NREP: variants seen among roughly 807,000 people sequenced by gnomAD.
NREP encodes the protein neuronal regeneration related protein.
In NREP, 5 loss-of-function variants were observed where a neutral mutation model predicts 8.6. That is an observed-to-expected ratio of 0.58 (90% CI 0.30 to 1.22). NREP has a LOEUF of 1.22. Among genes scored for constraint, NREP ranks in the 50% most tolerant of loss-of-function variants. The pLI is 0.07. For synonymous variants in NREP, 27 were observed against 28.0 expected, an observed-to-expected ratio of 0.96 and a Z score of 0.11; for missense variants, 86 against 82.5, an observed-to-expected ratio of 1.04 and a Z score of -0.17.
At chr5:111,828,817 G>A (rs563390494) in intron 2 of NREP, among the ~76,000 whole-genome samples, 7 of 152,260 alleles carry the variant, frequency 4.6e-5, no homozygotes, top group Admixed American at 2.0e-4. Flanking sequence ...ACTACTGTAT[G>A]CCAAGGTTTG....
chr5:111,791,461 C>T (rs912357492), intron 2 of NREP, among the ~76,000 whole-genome samples: 1 of 151,998 alleles, frequency 6.6e-6, no homozygotes, highest in Non-Finnish European at 1.5e-5. Context: ...AGAAACATGA[C>T]CTCATTTTGA....
At chr5:111,949,909 T>C (rs1756105017) in intron 2 of NREP, among the ~76,000 whole-genome samples, 1 of 152,122 alleles carries the variant, frequency 6.6e-6, no homozygotes. Context: ...CGTGTCTTTA[T>C]GGTAGAATGA....
intron 2 of NREP, among the ~76,000 whole-genome samples, chr5:111,865,939 A>G (rs1321150075): frequency 1.3e-5 from 2 of 152,194 alleles, no homozygotes; most frequent in African/African-American, 2.4e-5. Flanking sequence ...CTGTTCAACA[A>G]TGCATAAAAA....
At position 111,730,936 on chromosome 5, in the gene NREP, G is replaced by A; in HGVS notation, c.192C>T (p.Tyr64=). Reference sequence around the variant, plus strand: ...GGTGTTACGATTAAAAAAAGTGGAGGTAACTGATTCTTGGGGAGCGGAGTT... The same window carrying A: ...GGTGTTACGATTAAAAAAAGTGGAGATAACTGATTCTTGGGGAGCGGAGTT... ...SSELRSPRIS[Y]LHFF is the part of the protein sequence containing the mutation. The change falls in exon 4 of 4, where the codon TAC becomes TAT. Residue 64 remains tyrosine, a synonymous_variant. Transcript: ENST00000257435. 6.2e-7 allele frequency: 1 copy of A among 1,613,808 alleles called. No individual in the cohort carries two copies. The highest frequency in any genetic ancestry group is 1.1e-5 in the South Asian group (1 of 91,066).
At chr5:111,878,402 G>A (rs982364810) in intron 2 of NREP, among the ~76,000 whole-genome samples, 13 of 152,070 alleles carry the variant, frequency 8.5e-5, no homozygotes, top group Non-Finnish European at 1.9e-4. Flanking sequence ...GGTGAAGGAG[G>A]AATGGTCAGG....
intron 2 of NREP, among the ~76,000 whole-genome samples, chr5:111,806,978 G>A (rs1452349930): frequency 6.6e-6 from 1 of 152,002 alleles, no homozygotes; most frequent in Non-Finnish European, 1.5e-5. Flanking sequence ...ACTTGATGTG[G>A]CTCTTGGCTA....
intron 2 of NREP, among the ~76,000 whole-genome samples, chr5:111,946,339 T>A (rs1755982667): frequency 6.6e-6 from 1 of 151,986 alleles, no homozygotes; most frequent in Non-Finnish European, 1.5e-5. Flanking sequence ...ATGGCAAATG[T>A]TTGAAGTGTG....
chr5:111,835,938 T>C (rs1019155828), intron 2 of NREP, among the ~76,000 whole-genome samples: 6 of 152,052 alleles, frequency 3.9e-5, no homozygotes, highest in African/African-American at 1.4e-4. Context: ...AGAAAATGGA[T>C]GCAGATGTAA....
intron 2 of NREP, among the ~76,000 whole-genome samples, chr5:111,857,803 G>A (rs1477238194): frequency 1.3e-5 from 2 of 152,124 alleles, no homozygotes; most frequent in African/African-American, 2.4e-5. Context: ...ATAAATGGAT[G>A]CATATGCTGT....
At chr5:111,848,624 T>C (rs1753235583) in intron 2 of NREP, among the ~76,000 whole-genome samples, 1 of 152,104 alleles carries the variant, frequency 6.6e-6, no homozygotes, top group South Asian at 2.1e-4. Context: ...TGTGGATGCT[T>C]CCTTTACGAT....
intron 2 of NREP, among the ~76,000 whole-genome samples, chr5:111,962,562 A>C: frequency 6.6e-6 from 1 of 152,208 alleles, no homozygotes; most frequent in East Asian, 1.9e-4. Context: ...GCAGGTCCCC[A>C]GCAAAACCAT....
intron 2 of NREP, among the ~76,000 whole-genome samples, chr5:111,766,700 G>C (rs902992941): frequency 4.6e-5 from 7 of 152,226 alleles, no homozygotes; most frequent in Admixed American, 4.6e-4. Context: ...GAGTTCTGTT[G>C]CTTCCTCCCT....
At chr5:111,920,657 G>C (rs1225258349) in intron 2 of NREP, among the ~76,000 whole-genome samples, 1 of 151,964 alleles carries the variant, frequency 6.6e-6, no homozygotes, top group Non-Finnish European at 1.5e-5. Context: ...GGTGTGGAGG[G>C]GTGCTTCATT....
At chr5:111,807,313 GGTTATTCCATCA>G (rs1350986081) in intron 2 of NREP, among the ~76,000 whole-genome samples, 1 of 151,926 alleles carries the variant, frequency 6.6e-6, no homozygotes, top group Non-Finnish European at 1.5e-5. Context: ...AGTCCCATCA[GGTTATTCCATCA>G]CTGGAGAATA....
intron 2 of NREP, among the ~76,000 whole-genome samples, chr5:111,848,246 T>A (rs1386459265): frequency 1.3e-5 from 2 of 152,228 alleles, no homozygotes; most frequent in Non-Finnish European, 2.9e-5. Context: ...TTCTTTCACA[T>A]CAACTATTTT....
Position 111,898,111 on chromosome 5 carries a change from CAGATGGAA to C in NREP, c.135+77155_135+77162del, listed in dbSNP as rs200812981. Among the ~76,000 whole-genome samples, 128 of 152,138 alleles carry C rather than the reference CAGATGGAA, an allele frequency of 8.4e-4. 1 individual carries two copies. The East Asian group carries it at 0.021, about 25-fold the overall frequency. On this transcript the variant is annotated intron_variant, in intron 2 of 3. Transcript: ENST00000395634. ...CAAGTGTTAGAACTTTGGCTTTTAC[CAGATGGAA>C]ATAGAGCCACTGGAGAGTTTTGAGC... is the stretch of plus-strand genomic sequence containing the variant.
chr5:111,970,035 C>A (rs1295088867), intron 2 of NREP, among the ~76,000 whole-genome samples: 1 of 152,146 alleles, frequency 6.6e-6, no homozygotes, highest in East Asian at 1.9e-4. Context: ...ATTCTCTTTC[C>A]ATTTTATGCT....
At chr5:111,888,472 C>T (rs1372288844) in intron 2 of NREP, among the ~76,000 whole-genome samples, 1 of 152,156 alleles carries the variant, frequency 6.6e-6, no homozygotes, top group Non-Finnish European at 1.5e-5. Context: ...CATCAGATCT[C>T]ATGAGAACTC....
chr5:111,886,932 C>T (rs1459538502), intron 2 of NREP, among the ~76,000 whole-genome samples: 1 of 151,698 alleles, frequency 6.6e-6, no homozygotes, highest in Non-Finnish European at 1.5e-5. Context: ...TGTAACTAAA[C>T]TGCACATTGT....
Sources: allele counts gnomAD v4.1 joint callset (sites outside exome capture counted in the v4.1 genomes callset), GRCh38; gene constraint gnomAD v4.1.1; transcripts MANE v1.5; gene names NCBI Gene and HGNC (gene_info 2026-07-23, HGNC 2026-07-21).